LPIN2: variants seen among roughly 807,000 people sequenced by gnomAD.
LPIN2 encodes phosphatidate phosphatase LPIN2.
A neutral mutation model predicts 111.4 loss-of-function variants in LPIN2; 55 were observed. That is an observed-to-expected ratio of 0.49 (90% CI 0.40 to 0.62). The LOEUF is 0.62. LPIN2 is among the 20% of genes least tolerant of loss of function. The pLI is 0.00. For synonymous variants in LPIN2, 425 were observed against 414.0 expected (o/e 1.03, Z -0.32); for missense variants, 992 against 1,112.1 (o/e 0.89, Z 1.54).
At chr18:2,936,868 T>C (rs1025361444) in intron 7 of LPIN2, among the ~76,000 whole-genome samples, 14 of 152,158 alleles carry the variant, frequency 9.2e-5, no homozygotes, top group Non-Finnish European at 1.9e-4. Flanking sequence ...TGTGAGCCAC[T>C]GCACCTAGCC....
At chr18:2,990,725 G>T in intron 1 of LPIN2, 1 of 326,522 alleles carries the variant, frequency 3.1e-6, no homozygotes. Flanking sequence ...AGGAAACAGA[G>T]ACAGAATGTC....
intron 4 of LPIN2, 137 bp from the exon 5 acceptor site, chr18:2,940,849 AAGG>A (rs1465153249): frequency 1.2e-5 from 8 of 677,030 alleles, no homozygotes; most frequent in Non-Finnish European, 2.1e-5. Context: ...AAAATATATG[AAGG>A]AGAAGGGGGG....
Position 2,925,730 on chromosome 18 carries a change from G to A in LPIN2, c.1794-362C>T, listed in dbSNP as rs1463699844. On this transcript the variant is annotated intron_variant, in intron 13 of 19. Transcript: ENST00000677752. This position sits in a 1 kb window ranked among gnomAD's most constrained non-coding sequence, Gnocchi z 4.1. ...CAATGATTTAACAAACTCCGGCTGG[G>A]TGCGGTGCCTCACACCTGTAATCCC... Among the ~76,000 whole-genome samples the A allele has an allele frequency of 6.6e-6, 1 of 152,236 alleles. No homozygotes were observed. Among genetic ancestry groups the A allele is most frequent in the African/African-American group, 2.4e-5 (1 of 41,450 alleles).
chr18:2,989,258 A>G (rs2078228781), intron 1 of LPIN2, among the ~76,000 whole-genome samples: 1 of 152,198 alleles, frequency 6.6e-6, no homozygotes, highest in South Asian at 2.1e-4. Flanking sequence ...TGAAATTCAG[A>G]TTTACTATGC....
At chr18:2,975,206 C>T (rs982819406) in intron 1 of LPIN2, among the ~76,000 whole-genome samples, 1 of 152,186 alleles carries the variant, frequency 6.6e-6, no homozygotes, top group Non-Finnish European at 1.5e-5. Flanking sequence ...AATACCCATT[C>T]TTGTTTCACT....
chr18:2,954,812 A>G (rs1341998608), intron 2 of LPIN2, among the ~76,000 whole-genome samples: 1 of 152,262 alleles, frequency 6.6e-6, no homozygotes, highest in African/African-American at 2.4e-5. Flanking sequence ...GAATTGAAAG[A>G]AAGTGTTTCA....
At chr18:2,965,218 T>C (rs999515828) in intron 1 of LPIN2, among the ~76,000 whole-genome samples, 5 of 152,158 alleles carry the variant, frequency 3.3e-5, no homozygotes, top group Admixed American at 6.5e-5. Flanking sequence ...GCATATAAAA[T>C]TCAATACGCC....
intron 2 of LPIN2, among the ~76,000 whole-genome samples, chr18:2,957,167 C>T (rs1239512540): frequency 3.3e-5 from 5 of 152,146 alleles, no homozygotes; most frequent in Admixed American, 3.3e-4. Context: ...GAGAAACAGT[C>T]GATGTACTAG....
chr18:2,923,025 C>T (rs961066734), intron 16 of LPIN2, among the ~76,000 whole-genome samples: 4 of 152,186 alleles, frequency 2.6e-5, no homozygotes, highest in African/African-American at 9.7e-5. Flanking sequence ...AACCCACAAA[C>T]GCCATGGCAC....
chr18:2,921,526 T>C lies in LPIN2; in HGVS notation c.2442+7A>G, dbSNP rs766330410. 6.2e-7 allele frequency: 1 copy of C among 1,600,542 alleles called. No homozygotes were observed. ...ACATCAGAACCCAGAGCCCAGGAGA[T>C]ACTCACATTTGGACGGTTTCCAAAG... On this transcript the variant is annotated splice_region_variant and intron_variant, in intron 18 of 19. Coordinates refer to ENST00000677752, the MANE Select transcript of LPIN2 (RefSeq NM_001375808.2).
In LPIN2 at chr18:2,954,506, ATTC is replaced by A; in HGVS notation, c.283_285del (p.Glu95del). ...GGGTGTAACCCATGCAAACTTACAT[ATTC>A]TTCTTCAGTCTCCTCAACAAAGAAA... On this transcript the variant is annotated inframe_deletion, in exon 3 of 20. Transcript: ENST00000677752. 6.2e-7 allele frequency: 1 copy of A among 1,612,034 alleles called. No homozygotes were observed. Among genetic ancestry groups the A allele is most frequent in the Non-Finnish European group, 8.5e-7 (1 of 1,178,048 alleles).
intron 1 of LPIN2, among the ~76,000 whole-genome samples, chr18:2,991,314 G>C (rs1445359127): frequency 6.6e-6 from 1 of 152,140 alleles, no homozygotes; most frequent in Non-Finnish European, 1.5e-5. Context: ...TTTAAAAAAG[G>C]AAAATATATG....
intron 18 of LPIN2, 54 bp downstream of exon 18, chr18:2,921,479 T>C (rs139433302): frequency 2.2e-4 from 294 of 1,342,186 alleles, no homozygotes; most frequent in Non-Finnish European, 2.5e-4. Flanking sequence ...CCCCACGAAG[T>C]ACATCCCTCT....
intron 1 of LPIN2, 144 bp downstream of exon 1, chr18:3,012,943 G>A (rs1225280148): frequency 6.6e-6 from 1 of 151,206 alleles, no homozygotes; most frequent in Non-Finnish European, 1.5e-5. Context: ...CGCGAGGAGG[G>A]GCGGCTCAAC....
intron 1 of LPIN2, among the ~76,000 whole-genome samples, chr18:2,996,853 C>A (rs887493543): frequency 1.3e-5 from 2 of 152,184 alleles, no homozygotes; most frequent in Admixed American, 1.3e-4. Context: ...CCAAATAAAG[C>A]ATCATTTGGT....
At chr18:3,001,794 A>C (rs1436192280) in intron 1 of LPIN2, among the ~76,000 whole-genome samples, 3 of 152,206 alleles carry the variant, frequency 2.0e-5, no homozygotes, top group Non-Finnish European at 2.9e-5. Context: ...TTACATATAA[A>C]AATAAATACT....
intron 4 of LPIN2, chr18:2,945,534 C>T (rs2143045671): frequency 1.6e-6 from 2 of 1,224,218 alleles, no homozygotes; most frequent in Non-Finnish European, 2.4e-6. Flanking sequence ...TAGCCTTCCT[C>T]CCATCTCCCA....
chr18:2,955,953 A>G (rs181268485), intron 2 of LPIN2, among the ~76,000 whole-genome samples: 41 of 152,218 alleles, frequency 2.7e-4, no homozygotes, highest in African/African-American at 9.6e-4. Context: ...AACAAACAAA[A>G]AAACCTCCTA....
chr18:2,926,757 G>C lies in LPIN2; in HGVS notation c.1759C>G (p.Leu587Val). The C allele has an allele frequency of 6.2e-7, 1 of 1,613,698 alleles. No individual in the cohort carries two copies. ...GCCGGCTCCTTGGAGCTGGATGGCA[G>C]GTCACTGGCTGGCGGTGCCTCAGAT... ...GKSEAPPASD[L>V]PSSSKEPAGA... The change falls in exon 13 of 20, where the codon CTG becomes GTG. Residue 587 changes from leucine to valine, a missense_variant. Coordinates refer to ENST00000677752, the MANE Select transcript of LPIN2 (RefSeq NM_001375808.2).
Sources: gnomAD v4.1 joint callset for allele counts (sites outside exome capture counted in the v4.1 genomes callset) on GRCh38, gnomAD v4.1.1 for gene constraint, Gnocchi (gnomAD v3.1) non-coding constraint, MANE v1.5 for transcripts, NCBI Gene and HGNC (gene_info 2026-07-23, HGNC 2026-07-21) for gene names.